Variants in AHRR observed in about 807,000 individuals in gnomAD.
The protein encoded by AHRR is ahR repressor.
AHRR carries 28 observed loss-of-function variants against 44.0 expected under a neutral mutation model. That is an observed-to-expected ratio of 0.64 (90% CI 0.47 to 0.87). The LOEUF is 0.87. AHRR is among the 40% of genes least tolerant of loss of function. The pLI is 0.00. For missense variants in AHRR, 990 were observed against 953.9 expected (o/e 1.04, Z -0.50); for synonymous variants, 434 against 407.0 (o/e 1.07, Z -0.80).
intron 4 of AHRR, among the ~76,000 whole-genome samples, chr5:391,265 G>A (rs116565933): frequency 0.019 from 2,907 of 150,730 alleles, 88 homozygotes; most frequent in African/African-American, 0.068. Context: ...GGAGCTCTGC[G>A]GGGGGAGCTG....
In AHRR at chr5:337,859, C is replaced by T. The variant is rs556805599; in HGVS notation, c.-10-6034C>T. 3.3e-5 allele frequency among the ~76,000 whole-genome samples: 5 copies of T among 152,252 alleles called. No individual in the cohort carries two copies. The highest frequency in any genetic ancestry group is 1.2e-4 in the African/African-American group (5 of 41,546). On this transcript the variant is annotated intron_variant, in intron 1 of 10. Coordinates refer to ENST00000684583, the MANE Select transcript of AHRR (RefSeq NM_001377236.1). This position sits in a 1 kb window ranked among gnomAD's most constrained non-coding sequence, Gnocchi z 4.1. ...TGTCTATGGCAGTGGTGAGCAGGAACACGAAAAAATAGGAAGCACTGGAAC... is the reference window on the plus strand; with the variant it reads ...TGTCTATGGCAGTGGTGAGCAGGAATACGAAAAAATAGGAAGCACTGGAAC...
chr5:351,373 C>T (rs909930625), intron 2 of AHRR, among the ~76,000 whole-genome samples: 3 of 152,186 alleles, frequency 2.0e-5, no homozygotes, highest in Admixed American at 6.5e-5. Flanking sequence ...AGCAGATAGA[C>T]GGATAAAGCA....
rs927298785 is a variant in AHRR at position 406,052 on chromosome 5, C to T, written c.352-7292C>T. Among the ~76,000 whole-genome samples, 4 of 151,898 alleles carry T rather than the reference C, an allele frequency of 2.6e-5. No homozygotes were observed. Among genetic ancestry groups the T allele is most frequent in the African/African-American group, 9.7e-5 (4 of 41,310 alleles). On this transcript the variant is annotated intron_variant, in intron 4 of 10. Transcript: ENST00000684583. This position sits in a 1 kb window ranked among gnomAD's most constrained non-coding sequence, Gnocchi z 4.7. ...ATGTATGAAACGCTCTACAGCCACC[C>T]GAAAAAGGTAGAAATTCTGCAACAA...
intron 8 of AHRR, among the ~76,000 whole-genome samples, chr5:428,499 C>T (rs1736573195): frequency 1.3e-5 from 2 of 152,356 alleles, no homozygotes; most frequent in East Asian, 1.9e-4. Flanking sequence ...GGCCTACCCA[C>T]AGCTCCCTCA....
chr5:335,136 C>T (rs139046320), intron 1 of AHRR, among the ~76,000 whole-genome samples: 3 of 152,174 alleles, frequency 2.0e-5, no homozygotes, highest in African/African-American at 4.8e-5. Flanking sequence ...CACACTGGCA[C>T]CTGTGTTGGC....
chr5:382,703 G>C lies in AHRR; in HGVS notation c.351+5987G>C, dbSNP rs1734033071. 2.6e-5 allele frequency among the ~76,000 whole-genome samples: 4 copies of C among 151,730 alleles called. No homozygotes were observed. The South Asian group carries it at 8.3e-4, about 32-fold the overall frequency. On this transcript the variant is annotated intron_variant, in intron 4 of 10. Coordinates refer to ENST00000684583, the MANE Select transcript of AHRR (RefSeq NM_001377236.1). ...TTTAATTTCCTCTTCTTTTTCTAGA[G>C]TTTTAAGGTGGAAGCTTAGATTATT...
intron 2 of AHRR, among the ~76,000 whole-genome samples, chr5:346,115 C>G (rs1742668802): frequency 6.6e-6 from 1 of 152,332 alleles, no homozygotes; most frequent in African/African-American, 2.4e-5. Flanking sequence ...AGAAACAGCA[C>G]AGCCCTGCGC....
chr5:387,235 G>T lies in AHRR; in HGVS notation c.351+10519G>T, dbSNP rs1230699030. On this transcript the variant is annotated intron_variant, in intron 4 of 10. Coordinates refer to ENST00000684583, the MANE Select transcript of AHRR (RefSeq NM_001377236.1). The surrounding 1 kb of genome is among the most constrained non-coding windows in gnomAD (Gnocchi z 5.1). ...ACACAGAAGCGGGGTCCTGTCTCCT[G>T]CTCTCTCCTCTGCTTACGTCCCCCA... is the stretch of plus-strand genomic sequence containing the variant. Among the ~76,000 whole-genome samples the T allele has an allele frequency of 2.0e-5, 3 of 152,208 alleles. No individual in the cohort carries two copies. The highest frequency in any genetic ancestry group is 7.2e-5 in the African/African-American group (3 of 41,452).
chr5:423,384 G>A (rs1736222713), intron 6 of AHRR, among the ~76,000 whole-genome samples: 1 of 152,160 alleles, frequency 6.6e-6, no homozygotes. Context: ...GCAATGACAG[G>A]CGGGGGCTGT....
At chr5:334,333 T>C (rs886709527) in intron 1 of AHRR, among the ~76,000 whole-genome samples, 10 of 152,152 alleles carry the variant, frequency 6.6e-5, no homozygotes, top group Non-Finnish European at 1.2e-4. Context: ...CTCTTCATCC[T>C]CAGGAAGACC....
In AHRR at chr5:406,882, C is replaced by G. The variant is rs1433766145; in HGVS notation, c.352-6462C>G. Among the ~76,000 whole-genome samples the G allele has an allele frequency of 2.0e-5, 3 of 152,168 alleles. No individual in the cohort carries two copies. Among genetic ancestry groups the G allele is most frequent in the Admixed American group, 2.0e-4 (3 of 15,284 alleles). On this transcript the variant is annotated intron_variant, in intron 4 of 10. Transcript: ENST00000684583. This position sits in a 1 kb window ranked among gnomAD's most constrained non-coding sequence, Gnocchi z 4.7. Reference sequence around the variant, plus strand: ...AGGAGAGTGTCAGCTTGCAGATGATCCTGATCAAACAGGCAATAATAACAA... The same window carrying G: ...AGGAGAGTGTCAGCTTGCAGATGATGCTGATCAAACAGGCAATAATAACAA...
chr5:380,498 A>G (rs372453145), intron 4 of AHRR, among the ~76,000 whole-genome samples: 2 of 152,246 alleles, frequency 1.3e-5, no homozygotes. Flanking sequence ...TTCTTTAATT[A>G]TGTTCATCGG....
intron 3 of AHRR, among the ~76,000 whole-genome samples, chr5:375,752 G>T (rs1280756685): frequency 5.9e-5 from 9 of 152,310 alleles, no homozygotes; most frequent in Non-Finnish European, 1.2e-4. Flanking sequence ...TTGCCCCTCA[G>T]TCCTCTCAGA....
At chr5:401,863 G>A (rs1735027299) in intron 4 of AHRR, among the ~76,000 whole-genome samples, 1 of 152,312 alleles carries the variant, frequency 6.6e-6, no homozygotes, top group East Asian at 1.9e-4. Context: ...CCGTTGACAG[G>A]TGGGTGGGTT....
chr5:404,225 C>A lies in AHRR; in HGVS notation c.352-9119C>A. On this transcript the variant is annotated intron_variant, in intron 4 of 10. Transcript: ENST00000684583. This position sits in a 1 kb window ranked among gnomAD's most constrained non-coding sequence, Gnocchi z 4.1. The stretch of plus-strand genomic sequence containing the variant: ...GAACCCGTCGCAGCTCTCGCTCATC[C>A]ATGAGTCTAATCACATCTGCTCCAT... 2 of 519,154 alleles carry A rather than the reference C, an allele frequency of 3.9e-6. No individual in the cohort carries two copies. The highest frequency in any genetic ancestry group is 1.6e-5 in the South Asian group (1 of 64,296). The allele number at this position is 519,154 out of a possible 1,614,324, so 32.2% of individuals were successfully genotyped here.
At position 437,049 on chromosome 5, in the gene AHRR, TTAA is replaced by T. The variant is rs1271507585; in HGVS notation, c.*2220_*2222del. 1 of 152,384 alleles carries T rather than the reference TTAA, an allele frequency of 6.6e-6. No individual in the cohort carries two copies. Among genetic ancestry groups the T allele is most frequent in the African/African-American group, 2.4e-5 (1 of 41,444 alleles). 9.4% of individuals were successfully genotyped at this position (152,384 alleles called of 1,614,324 possible). On this transcript the variant is annotated 3_prime_UTR_variant, in exon 11 of 11. Transcript: ENST00000684583. ...TCCTTTGCTGATCATGGAAAGACCC[TTAA>T]TAATTAGGCCTGCAGGCCAGGCGCA...
intron 4 of AHRR, among the ~76,000 whole-genome samples, chr5:398,703 G>A (rs1013824185): frequency 3.3e-5 from 5 of 152,200 alleles, no homozygotes; most frequent in Admixed American, 6.5e-5. Flanking sequence ...TTAAGCTGCC[G>A]ACACTGGGAG....
chr5:355,848 C>T (rs564552723), intron 3 of AHRR, among the ~76,000 whole-genome samples: 42 of 152,352 alleles, frequency 2.8e-4, no homozygotes, highest in Admixed American at 1.4e-3. Flanking sequence ...CTGCAGCTTT[C>T]AGGAATAAAC....
chr5:376,463 G>T, intron 3 of AHRR, 147 bp from the exon 4 acceptor site: 1 of 606,342 alleles, frequency 1.6e-6, no homozygotes. Flanking sequence ...AATGCTGCGT[G>T]GCCTGCAGAG....
Sources: allele counts gnomAD v4.1 joint callset (sites outside exome capture counted in the v4.1 genomes callset), GRCh38; gene constraint gnomAD v4.1.1; non-coding constraint Gnocchi (gnomAD v3.1); transcripts MANE v1.5; gene names NCBI Gene and HGNC (gene_info 2026-07-23, HGNC 2026-07-21).